EPC2: variants seen among roughly 807,000 people sequenced by gnomAD.
EPC2 encodes the protein enhancer of polycomb homolog 2.
In EPC2, 14 loss-of-function variants were observed where a neutral mutation model predicts 92.1. The ratio of observed to expected loss-of-function variants is 0.15; its 90% confidence interval spans 0.10 to 0.24. The LOEUF (loss-of-function observed/expected upper bound fraction) is 0.24, where lower values mean the gene tolerates loss of function less well. Among genes scored for constraint, EPC2 ranks in the 10% least tolerant of loss-of-function variants. EPC2 has a pLI of 1.00. For synonymous variants in EPC2, 340 were observed against 334.7 expected, an observed-to-expected ratio of 1.02 and a Z score of -0.17; for missense variants, 755 against 971.5, an observed-to-expected ratio of 0.78 and a Z score of 2.96.
intron 1 of EPC2, among the ~76,000 whole-genome samples, chr2:148,674,608 G>A (rs748024926): frequency 2.6e-5 from 4 of 152,168 alleles, no homozygotes; most frequent in Non-Finnish European, 4.4e-5. Context: ...AGTCCATCAG[G>A]CAGACTCCTG....
intron 2 of EPC2, among the ~76,000 whole-genome samples, chr2:148,694,352 G>A (rs938555144): frequency 5.3e-5 from 8 of 152,160 alleles, no homozygotes; most frequent in Non-Finnish European, 1.0e-4. Context: ...TTCAGTAGCA[G>A]TTCTTCATAG....
At chr2:148,683,934 C>A (rs1681462287) in intron 1 of EPC2, among the ~76,000 whole-genome samples, 1 of 152,188 alleles carries the variant, frequency 6.6e-6, no homozygotes, top group Non-Finnish European at 1.5e-5. Flanking sequence ...TAAGGAATCT[C>A]CATACTGTTT....
chr2:148,725,658 C>T (rs182738023), intron 2 of EPC2, among the ~76,000 whole-genome samples: 1 of 152,256 alleles, frequency 6.6e-6, no homozygotes, highest in African/African-American at 2.4e-5. Flanking sequence ...TACCATGTCT[C>T]TTCAGTCTAC....
Position 148,783,744 on chromosome 2 carries a change from G to A in EPC2, c.2005G>A (p.Val669Ile). 1.3e-6 allele frequency: 2 copies of A among 1,591,404 alleles called. No individual in the cohort carries two copies. The highest frequency in any genetic ancestry group is 2.3e-5 in the East Asian group (1 of 44,260). ...TGGCCACAACAACATAAACGGTGTTGTCCAGCCTTCAGGTACAGCTGGGGT... is the reference window on the plus strand; with the variant it reads ...TGGCCACAACAACATAAACGGTGTTATCCAGCCTTCAGGTACAGCTGGGGT... ...NTGHNNINGVVQPSGTSKTLY... is the reference protein window; with the variant it reads ...NTGHNNINGVIQPSGTSKTLY... The change falls in exon 12 of 14, where the codon GTC becomes ATC. Residue 669 changes from valine to isoleucine, a missense_variant. Coordinates refer to ENST00000258484, the MANE Select transcript of EPC2 (RefSeq NM_015630.4).
At chr2:148,691,699 G>GT (rs1362820101) in intron 2 of EPC2, 6 of 1,318,836 alleles carry the variant, frequency 4.5e-6, no homozygotes, top group Non-Finnish European at 6.4e-6. Flanking sequence ...TTGGACCACA[G>GT]TATTAGCTTT....
intron 2 of EPC2, among the ~76,000 whole-genome samples, chr2:148,712,628 G>A (rs1282505929): frequency 4.6e-5 from 7 of 151,968 alleles, no homozygotes; most frequent in Non-Finnish European, 1.0e-4. Context: ...GGTGGCTCAC[G>A]CCTGTAATCC....
chr2:148,732,946 C>A (rs1458297518), intron 2 of EPC2, among the ~76,000 whole-genome samples: 3 of 83,832 alleles, frequency 3.6e-5, no homozygotes, highest in African/African-American at 4.5e-5. Flanking sequence ...GTGAATAGCT[C>A]TTTTTTTTTT....
Position 148,765,002 on chromosome 2 carries a change from T to G in EPC2, c.996T>G (p.Arg332=), listed in dbSNP as rs760760122. The part of the protein sequence containing the change: ...SLKEEASDVV[R]QKKKYPKKPK... ...AAGAAGAGGCTTCTGATGTGGTTCG[T>G]CAAAAGAAGAAGTACCCAAAGAAGC... Residue 332 remains arginine (R), a synonymous_variant, in exon 7 of 14, where the codon CGT becomes CGG. Transcript: ENST00000258484. 1 of 1,603,642 alleles carries G rather than the reference T, an allele frequency of 6.2e-7. No individual in the cohort carries two copies. The highest frequency in any genetic ancestry group is 1.1e-5 in the South Asian group (1 of 88,926).
At chr2:148,699,392 C>T (rs1027426417) in intron 2 of EPC2, among the ~76,000 whole-genome samples, 3 of 152,118 alleles carry the variant, frequency 2.0e-5, no homozygotes, top group Non-Finnish European at 2.9e-5. Flanking sequence ...ATTACAGTAT[C>T]CTACAGAATA....
intron 2 of EPC2, chr2:148,691,765 C>G (rs2105372173): frequency 1.3e-6 from 1 of 791,208 alleles, no homozygotes; most frequent in East Asian, 2.7e-5. Context: ...TTTTGCTTCT[C>G]CTTTCTACCT....
chr2:148,774,223 A>G (rs1683579340), intron 10 of EPC2, among the ~76,000 whole-genome samples: 1 of 152,220 alleles, frequency 6.6e-6, no homozygotes, highest in Non-Finnish European at 1.5e-5. Flanking sequence ...AAAATTAAAA[A>G]GAGGGCTGCA....
intron 6 of EPC2, among the ~76,000 whole-genome samples, chr2:148,764,445 G>C (rs1327310282): frequency 6.6e-6 from 1 of 152,100 alleles, no homozygotes; most frequent in African/African-American, 2.4e-5. Flanking sequence ...CTGTTCAGTT[G>C]CTGCAGTAAT....
intron 4 of EPC2, 76 bp from the exon 5 acceptor site, chr2:148,761,706 A>G (rs934219086): frequency 2.9e-6 from 3 of 1,042,132 alleles, no homozygotes; most frequent in Non-Finnish European, 4.0e-6. Flanking sequence ...TTCAGGTCTG[A>G]TAAGAGTTTA....
In EPC2 at chr2:148,668,087, C is replaced by T. The variant is rs1574570349; in HGVS notation, c.154-22127C>T. ...CTAATTTTTGTATTTTTAGTAGAGA[C>T]AGTCTTTCACTATGTTGGCCAGGCT... On this transcript the variant is annotated intron_variant, in intron 1 of 13. Transcript: ENST00000258484. Among the ~76,000 whole-genome samples, 7 of 152,198 alleles carry T rather than the reference C, an allele frequency of 4.6e-5. No individual in the cohort carries two copies. In the South Asian group the frequency reaches 1.5e-3, roughly 32 times the overall value.
chr2:148,689,828 G>C (rs1033642703), intron 1 of EPC2, among the ~76,000 whole-genome samples: 1 of 152,174 alleles, frequency 6.6e-6, no homozygotes, highest in African/African-American at 2.4e-5. Flanking sequence ...AAATGCAGAA[G>C]ATACTTAAAA....
intron 2 of EPC2, among the ~76,000 whole-genome samples, chr2:148,691,046 C>T (rs1046195406): frequency 6.6e-6 from 1 of 152,132 alleles, no homozygotes. Flanking sequence ...AATGCCTTTA[C>T]TTTCATATAG....
chr2:148,710,542 A>G (rs1457133703), intron 2 of EPC2, among the ~76,000 whole-genome samples: 1 of 152,228 alleles, frequency 6.6e-6, no homozygotes, highest in African/African-American at 2.4e-5. Context: ...ATAAAGACAC[A>G]TGCATACGTA....
At chr2:148,706,456 A>G (rs974960108) in intron 2 of EPC2, among the ~76,000 whole-genome samples, 1 of 152,192 alleles carries the variant, frequency 6.6e-6, no homozygotes, top group South Asian at 2.1e-4. Flanking sequence ...TCCCCAACCT[A>G]GCAAGGCAGG....
rs557355630 is a variant in EPC2 at position 148,763,284 on chromosome 2, G to C, written c.948+482G>C. 2.2e-4 allele frequency among the ~76,000 whole-genome samples: 34 copies of C among 152,206 alleles called. No individual in the cohort carries two copies. In the South Asian group the frequency reaches 3.3e-3, roughly 15 times the overall value. ...ATTGTTATCTACCTTGAGTGACTTTGAGAAAGTCCTGTAATTTCTGGGTCA... is the reference window on the plus strand; with the variant it reads ...ATTGTTATCTACCTTGAGTGACTTTCAGAAAGTCCTGTAATTTCTGGGTCA... On this transcript the variant is annotated intron_variant, in intron 6 of 13. Coordinates refer to ENST00000258484, the MANE Select transcript of EPC2 (RefSeq NM_015630.4).
Sources: gnomAD v4.1 joint callset for allele counts (sites outside exome capture counted in the v4.1 genomes callset) on GRCh38, gnomAD v4.1.1 for gene constraint, MANE v1.5 for transcripts, NCBI Gene and HGNC (gene_info 2026-07-23, HGNC 2026-07-21) for gene names.